TMEM108: variants seen among roughly 807,000 people sequenced by gnomAD.
The protein encoded by TMEM108 is cancer/testis antigen 124.
In TMEM108, 12 loss-of-function variants were observed where a neutral mutation model predicts 35.1. The ratio of observed to expected loss-of-function variants is 0.34; its 90% CI spans 0.22 to 0.55. The LOEUF (loss-of-function observed/expected upper bound fraction) is 0.55. Among genes scored for constraint, TMEM108 ranks in the 20% least tolerant of loss-of-function variants. TMEM108 has a pLI of 0.89. For synonymous variants in TMEM108, 287 were observed against 308.6 expected (o/e 0.93, Z 0.73); for missense variants, 680 against 753.3 (o/e 0.90, Z 1.14).
rs551794280 is a variant in TMEM108 at position 133,090,271 on chromosome 3, G to A, written c.-47+44251G>A. ...TTTCATACAAAACACCTGGAACCAAGCAAAAGGTCATCAGGGAGCATTTCT... is the reference window on the plus strand; with the variant it reads ...TTTCATACAAAACACCTGGAACCAAACAAAAGGTCATCAGGGAGCATTTCT... On this transcript the variant is annotated intron_variant, in intron 2 of 5. Coordinates refer to ENST00000321871, the MANE Select transcript of TMEM108 (RefSeq NM_023943.4). Among the ~76,000 whole-genome samples, 8 of 152,336 alleles carry A rather than the reference G, an allele frequency of 5.3e-5. No homozygotes were observed. In the South Asian group the frequency reaches 1.7e-3, roughly 32 times the overall value.
chr3:133,294,402 A>C (rs111960663), intron 3 of TMEM108, among the ~76,000 whole-genome samples: 119 of 152,352 alleles, frequency 7.8e-4, no homozygotes, highest in African/African-American at 2.7e-3. Flanking sequence ...CTATGAGAAT[A>C]CAAAAACACA....
At chr3:133,316,185 C>T (rs1480259317) in intron 3 of TMEM108, among the ~76,000 whole-genome samples, 1 of 152,038 alleles carries the variant, frequency 6.6e-6, no homozygotes, top group Admixed American at 6.5e-5. Context: ...GATAAATAAA[C>T]ATGAAATAAA....
intron 3 of TMEM108, among the ~76,000 whole-genome samples, chr3:133,364,705 G>A (rs559019178): frequency 7.9e-5 from 12 of 152,298 alleles, no homozygotes; most frequent in Admixed American, 4.6e-4. Context: ...AGAAAGACAT[G>A]GGAAAGGATT....
chr3:133,372,126 C>G (rs2072694505), intron 3 of TMEM108, among the ~76,000 whole-genome samples: 1 of 152,184 alleles, frequency 6.6e-6, no homozygotes, highest in Non-Finnish European at 1.5e-5. Context: ...ATAGTTGCCC[C>G]CAAGTGTTGC....
At chr3:133,139,237 C>A (rs747685088) in intron 2 of TMEM108, among the ~76,000 whole-genome samples, 1 of 152,100 alleles carries the variant, frequency 6.6e-6, no homozygotes, top group African/African-American at 2.4e-5. Flanking sequence ...GTGCATGTGT[C>A]TTTATAGTAG....
At chr3:133,265,703 A>G (rs1232889673) in intron 3 of TMEM108, among the ~76,000 whole-genome samples, 1 of 152,224 alleles carries the variant, frequency 6.6e-6, no homozygotes, top group Non-Finnish European at 1.5e-5. Flanking sequence ...TTGAAAATAA[A>G]TGGAATATGC....
At chr3:133,192,788 G>C (rs1281474325) in intron 2 of TMEM108, 4 of 152,554 alleles carry the variant, frequency 2.6e-5, no homozygotes, top group African/African-American at 7.2e-5. Flanking sequence ...GAGGCGGCCA[G>C]CTTCATGAGG....
chr3:133,072,571 C>G (rs549212060), intron 2 of TMEM108, among the ~76,000 whole-genome samples: 1 of 152,186 alleles, frequency 6.6e-6, no homozygotes, highest in East Asian at 1.9e-4. Context: ...AAGAATACCC[C>G]ACGGAAGTTA....
intron 2 of TMEM108, among the ~76,000 whole-genome samples, chr3:133,143,201 T>A (rs1359394809): frequency 6.6e-6 from 1 of 152,234 alleles, no homozygotes; most frequent in Non-Finnish European, 1.5e-5. Flanking sequence ...GGAGTTTACA[T>A]TCCAGGGGTG....
At chr3:133,291,258 GT>G (rs143163689) in intron 3 of TMEM108, among the ~76,000 whole-genome samples, 5 of 148,398 alleles carry the variant, frequency 3.4e-5, no homozygotes, top group African/African-American at 4.9e-5. Flanking sequence ...CCACCGTGGA[GT>G]TTTTTTTTTT....
intron 2 of TMEM108, among the ~76,000 whole-genome samples, chr3:133,103,095 A>G (rs1164685810): frequency 6.6e-6 from 1 of 152,166 alleles, no homozygotes; most frequent in East Asian, 1.9e-4. Context: ...TATATACCCA[A>G]AGGAATATAA....
intron 2 of TMEM108, among the ~76,000 whole-genome samples, chr3:133,170,225 T>C (rs9837497): frequency 0.18 from 27,811 of 152,166 alleles, 2,634 homozygotes; most frequent in Middle Eastern, 0.27. Context: ...ATAACTGTTA[T>C]AGAAAAACTA....
chr3:133,387,046 T>C (rs2073162668), intron 4 of TMEM108: 1 of 985,542 alleles, frequency 1.0e-6, no homozygotes, highest in African/African-American at 1.7e-5. Flanking sequence ...GGATGAAAGG[T>C]GAGACCACTG....
At chr3:133,039,054 T>C (rs1049263634) in intron 1 of TMEM108, among the ~76,000 whole-genome samples, 4 of 152,062 alleles carry the variant, frequency 2.6e-5, no homozygotes, top group Non-Finnish European at 4.4e-5. Context: ...ATTGAACGCT[T>C]TGAGCCTGCT....
chr3:133,103,524 A>AC (rs1200848671), intron 2 of TMEM108, among the ~76,000 whole-genome samples: 1 of 151,756 alleles, frequency 6.6e-6, no homozygotes, highest in East Asian at 1.9e-4. Context: ...CTGTACAACA[A>AC]CCCCCCATGA....
chr3:133,138,243 A>C (rs1389690154), intron 2 of TMEM108, among the ~76,000 whole-genome samples: 2 of 152,212 alleles, frequency 1.3e-5, no homozygotes, highest in East Asian at 3.9e-4. Flanking sequence ...ACAAGCAATG[A>C]CCATTTACAG....
chr3:133,263,734 C>G (rs543832341), intron 3 of TMEM108, among the ~76,000 whole-genome samples: 1 of 152,304 alleles, frequency 6.6e-6, no homozygotes, highest in South Asian at 2.1e-4. Flanking sequence ...AGCATTTGGG[C>G]AGGGTGGAGA....
chr3:133,174,042 G>T (rs1479095916), intron 2 of TMEM108, among the ~76,000 whole-genome samples: 2 of 152,232 alleles, frequency 1.3e-5, no homozygotes, highest in Non-Finnish European at 2.9e-5. Flanking sequence ...TCCCGCTCCT[G>T]GCTCAGAGGG....
chr3:133,145,627 T>C (rs9864997), intron 2 of TMEM108, among the ~76,000 whole-genome samples: 102,166 of 151,942 alleles, frequency 0.67, 34,712 homozygotes, highest in African/African-American at 0.75. Flanking sequence ...TGTTTGTGTC[T>C]GCTCTTATTT....
Sources: allele counts gnomAD v4.1 joint callset (sites outside exome capture counted in the v4.1 genomes callset), GRCh38; gene constraint gnomAD v4.1.1; transcripts MANE v1.5; gene names NCBI Gene and HGNC (gene_info 2026-07-23, HGNC 2026-07-21).